SOX5: variants seen among roughly 807,000 people sequenced by gnomAD.
The protein encoded by SOX5 is transcription factor SOX-5.
Under a neutral mutation model 92.0 loss-of-function variants are expected in SOX5, and 9 were observed. That is an observed-to-expected ratio of 0.10 (90% CI 0.06 to 0.17). The LOEUF is 0.17. SOX5 is among the 10% of genes least tolerant of loss of function. SOX5 has a pLI of 1.00. For synonymous variants in SOX5, 344 were observed against 336.3 expected, an observed-to-expected ratio of 1.02 and a Z score of -0.25; for missense variants, 642 against 944.5, an observed-to-expected ratio of 0.68 and a Z score of 4.20.
At chr12:24,225,634 T>C (rs1961758000) in intron 3 of SOX5, among the ~76,000 whole-genome samples, 1 of 152,212 alleles carries the variant, frequency 6.6e-6, no homozygotes, top group Non-Finnish European at 1.5e-5. Context: ...TGTACTTCAT[T>C]GTCATTGTTG....
At chr12:23,875,824 C>T (rs1441638036) in intron 2 of SOX5, among the ~76,000 whole-genome samples, 1 of 152,124 alleles carries the variant, frequency 6.6e-6, no homozygotes, top group Non-Finnish European at 1.5e-5. Context: ...AAGATTTCCC[C>T]TTCAGGCAGT....
In SOX5 at chr12:24,076,605, A is replaced by G. The variant is rs956791512; in HGVS notation, c.-2+136738T>C. On this transcript the variant is annotated intron_variant, in intron 4 of 4. Transcript: ENST00000446891. ...CATGCAGAATCTTTTTCCATGTGAA[A>G]AAGTCTAAAGTATTTTCATATTCAT... 2.6e-5 allele frequency among the ~76,000 whole-genome samples: 4 copies of G among 152,150 alleles called. No individual in the cohort carries two copies. The South Asian group carries it at 6.2e-4, about 24-fold the overall frequency.
intron 4 of SOX5, among the ~76,000 whole-genome samples, chr12:24,046,828 C>A (rs991660700): frequency 1.8e-4 from 27 of 148,178 alleles, no homozygotes; most frequent in African/African-American, 6.6e-4. Flanking sequence ...TACAGTCGCC[C>A]ACCACCATGC....
chr12:24,357,600 T>C (rs1335047965), intron 2 of SOX5, among the ~76,000 whole-genome samples: 1 of 152,120 alleles, frequency 6.6e-6, no homozygotes, highest in African/African-American at 2.4e-5. Flanking sequence ...CCTAGCACTT[T>C]GGGAGGCCGA....
intron 1 of SOX5, among the ~76,000 whole-genome samples, chr12:24,424,001 G>A (rs1646824200): frequency 6.6e-6 from 1 of 152,098 alleles, no homozygotes; most frequent in Non-Finnish European, 1.5e-5. Context: ...AAATGACAGT[G>A]GGCAATAATC....
In SOX5 at chr12:23,843,972, A is replaced by T. The variant is rs187056373; in HGVS notation, c.481+2011T>A. ...ATTTTAAAAGTACAGATGCTCCTAG[A>T]CTTATGATAGGGTTATGTCCTTAAG... On this transcript the variant is annotated intron_variant, in intron 3 of 14. Coordinates refer to ENST00000451604, the MANE Select transcript of SOX5 (RefSeq NM_006940.6). Among the ~76,000 whole-genome samples the T allele has an allele frequency of 1.4e-3, 208 of 152,352 alleles. 1 individual carries two copies. Among genetic ancestry groups the T allele is most frequent in the Non-Finnish European group, 2.6e-3 (180 of 68,028 alleles).
At chr12:23,894,783 A>T (rs1278305324) in intron 2 of SOX5, among the ~76,000 whole-genome samples, 1 of 152,218 alleles carries the variant, frequency 6.6e-6, no homozygotes, top group Non-Finnish European at 1.5e-5. Context: ...CCTGGAGGAA[A>T]AAAAAAGATT....
In SOX5 at chr12:23,532,876, A is replaced by G. The variant is rs1306897477; in HGVS notation, c.*1343T>C. ...TATTTGTCTGAAAAAATGGCCAAATATATTCAATGAAAACAATGATTGTTT... is the reference window on the plus strand; with the variant it reads ...TATTTGTCTGAAAAAATGGCCAAATGTATTCAATGAAAACAATGATTGTTT... On this transcript the variant is annotated 3_prime_UTR_variant, in exon 15 of 15. Coordinates refer to ENST00000451604, the MANE Select transcript of SOX5 (RefSeq NM_006940.6). The G allele has an allele frequency of 1.2e-5, 2 of 166,686 alleles. No homozygotes were observed. Among genetic ancestry groups the G allele is most frequent in the Non-Finnish European group, 2.6e-5 (2 of 76,354 alleles). The allele number at this position is 166,686 out of a possible 1,614,324, so 10.3% of individuals were successfully genotyped here. A position where few individuals can be genotyped will look rare whatever the true frequency, so the allele number is the denominator to read the frequency against.
intron 4 of SOX5, among the ~76,000 whole-genome samples, chr12:24,062,906 A>T (rs775905289): frequency 1.3e-4 from 20 of 152,170 alleles, no homozygotes; most frequent in Non-Finnish European, 2.6e-4. Flanking sequence ...TCCTAACAAC[A>T]ACTCCTGGGA....
intron 6 of SOX5, among the ~76,000 whole-genome samples, chr12:23,733,122 T>C (rs780107989): frequency 6.6e-6 from 1 of 152,152 alleles, no homozygotes. Context: ...CCATTTACAA[T>C]ATGAGTTGAA....
At chr12:24,031,476 A>C (rs78123251) in intron 4 of SOX5, among the ~76,000 whole-genome samples, 20,385 of 151,854 alleles carry the variant, frequency 0.13, 1,860 homozygotes, top group Non-Finnish European at 0.21. Context: ...GAAATCTCAA[A>C]AACTTGATCT....
intron 11 of SOX5, among the ~76,000 whole-genome samples, chr12:23,554,246 C>A (rs190029118): frequency 1.3e-5 from 2 of 151,832 alleles, no homozygotes; most frequent in Admixed American, 1.3e-4. Flanking sequence ...GGGTTTGGTG[C>A]GCAGTGAAGA....
At chr12:23,923,861 C>G (rs535820932) in intron 1 of SOX5, among the ~76,000 whole-genome samples, 1 of 152,256 alleles carries the variant, frequency 6.6e-6, no homozygotes, top group South Asian at 2.1e-4. Context: ...CCTATACAAC[C>G]TCTAGCTTGA....
intron 3 of SOX5, among the ~76,000 whole-genome samples, chr12:24,237,082 G>A (rs189933089): frequency 5.3e-5 from 8 of 152,106 alleles, no homozygotes; most frequent in South Asian, 2.1e-4. Flanking sequence ...TTGATGTAAC[G>A]ACTCCAGAAT....
At chr12:23,814,424 C>T (rs904675968) in intron 3 of SOX5, among the ~76,000 whole-genome samples, 3 of 152,124 alleles carry the variant, frequency 2.0e-5, no homozygotes, top group Middle Eastern at 3.2e-3. Context: ...CTGTAGAAAG[C>T]AGTGGAAAAG....
At chr12:23,832,396 A>T (rs2096342296) in intron 3 of SOX5, among the ~76,000 whole-genome samples, 1 of 151,998 alleles carries the variant, frequency 6.6e-6, no homozygotes, top group East Asian at 1.9e-4. Flanking sequence ...CCTATCCTAA[A>T]TTTCCAGATA....
intron 3 of SOX5, among the ~76,000 whole-genome samples, chr12:23,780,215 C>T (rs916906667): frequency 2.0e-5 from 3 of 151,732 alleles, no homozygotes; most frequent in Admixed American, 6.6e-5. Context: ...GGTTAATTCT[C>T]GTGTCAGCAG....
intron 1 of SOX5, among the ~76,000 whole-genome samples, chr12:23,905,326 G>C (rs73280168): frequency 0.048 from 7,294 of 152,102 alleles, 519 homozygotes; most frequent in African/African-American, 0.15. Flanking sequence ...TGTTTTCTTA[G>C]TGCTTCACTA....
At chr12:24,387,388 T>A (rs1055701099) in intron 1 of SOX5, among the ~76,000 whole-genome samples, 2 of 152,202 alleles carry the variant, frequency 1.3e-5, no homozygotes, top group Admixed American at 6.5e-5. Flanking sequence ...CATCTATCGT[T>A]AGTGTTAGTG....
Sources: allele counts gnomAD v4.1 joint callset (sites outside exome capture counted in the v4.1 genomes callset), GRCh38; gene constraint gnomAD v4.1.1; transcripts MANE v1.5; gene names NCBI Gene and HGNC (gene_info 2026-07-23, HGNC 2026-07-21).